Variants in G3BP2 observed in about 807,000 individuals in gnomAD.
The protein encoded by G3BP2 is G3BP stress granule assembly factor 2.
A neutral mutation model predicts 56.7 loss-of-function variants in G3BP2; 11 were observed. The ratio of observed to expected loss-of-function variants is 0.19; its 90% CI spans 0.12 to 0.32. G3BP2 has a LOEUF of 0.32. Among genes scored for constraint, G3BP2 ranks in the 10% least tolerant of loss-of-function variants. The pLI is 1.00. For synonymous variants in G3BP2, 165 were observed against 191.6 expected (o/e 0.86, Z 1.15); for missense variants, 340 against 610.9 (o/e 0.56, Z 4.67).
chr4:75,721,101 G>T (rs770658158), intron 2 of G3BP2, among the ~76,000 whole-genome samples: 2 of 151,910 alleles, frequency 1.3e-5, no homozygotes, highest in African/African-American at 4.8e-5. Context: ...CCACCACGCC[G>T]AGCTAATTTT....
chr4:75,648,967 C>A (rs1051302066), intron 8 of G3BP2: 14 of 332,320 alleles, frequency 4.2e-5, no homozygotes, highest in African/African-American at 2.7e-4. Flanking sequence ...GTGTAACTCA[C>A]AATAAGTTGC....
At chr4:75,716,137 G>A (rs768762612) in intron 3 of G3BP2, among the ~76,000 whole-genome samples, 8 of 152,002 alleles carry the variant, frequency 5.3e-5, no homozygotes, top group Non-Finnish European at 1.2e-4. Flanking sequence ...GGTGGGGAGA[G>A]GGCAGTGGGA....
chr4:75,661,424 T>A (rs1732545727), intron 2 of G3BP2: 1 of 151,426 alleles, frequency 6.6e-6, no homozygotes, highest in African/African-American at 2.4e-5. Context: ...AGAGCCACTG[T>A]GTCCAGCCTC....
At chr4:75,681,248 C>T (rs62318481) in intron 3 of G3BP2, among the ~76,000 whole-genome samples, 34,910 of 151,638 alleles carry the variant, frequency 0.23, 4,216 homozygotes, top group Middle Eastern at 0.36. Flanking sequence ...CGCTTGAACC[C>T]GGGAGGCAGA....
intron 3 of G3BP2, among the ~76,000 whole-genome samples, chr4:75,718,098 T>C (rs1719997925): frequency 6.6e-6 from 1 of 151,346 alleles, no homozygotes; most frequent in Non-Finnish European, 1.5e-5. Context: ...GTAGCATCAC[T>C]GCACTCCAGC....
intron 1 of G3BP2, among the ~76,000 whole-genome samples, chr4:75,663,752 C>T (rs984176109): frequency 1.3e-5 from 2 of 150,396 alleles, no homozygotes; most frequent in African/African-American, 4.9e-5. Flanking sequence ...CCCAGCCACT[C>T]CGGAGGCTGA....
At chr4:75,678,625 G>A (rs1733965628) in intron 3 of G3BP2, among the ~76,000 whole-genome samples, 1 of 152,000 alleles carries the variant, frequency 6.6e-6, no homozygotes, top group South Asian at 2.1e-4. Context: ...GTTCAGCCTG[G>A]GCAATATAGC....
chr4:75,653,529 C>T (rs981977072), intron 8 of G3BP2, among the ~76,000 whole-genome samples: 1 of 143,040 alleles, frequency 7.0e-6, no homozygotes, highest in Non-Finnish European at 1.5e-5. Flanking sequence ...GAACCACTTA[C>T]ACACTGAGAG....
At chr4:75,646,928 G>A in intron 10 of G3BP2, 101 bp downstream of exon 10, 1 of 701,644 alleles carries the variant, frequency 1.4e-6, no homozygotes, top group Non-Finnish European at 2.3e-6. Context: ...ACAGTATAAA[G>A]AGAGAAACAT....
At chr4:75,670,509 G>A (rs1733402485) in intron 1 of G3BP2, 1 of 152,132 alleles carries the variant, frequency 6.6e-6, no homozygotes, top group African/African-American at 2.4e-5. Context: ...AGGTGTTTTT[G>A]TTTTCTGTCC....
intron 3 of G3BP2, among the ~76,000 whole-genome samples, chr4:75,684,132 G>A (rs186222640): frequency 9.8e-4 from 149 of 152,304 alleles, no homozygotes; most frequent in African/African-American, 3.6e-3. Flanking sequence ...TAGGCCGGGT[G>A]CGGTGGCTCA....
At chr4:75,694,662 C>T in intron 3 of G3BP2, 7 of 484,486 alleles carry the variant, frequency 1.4e-5, no homozygotes, top group Non-Finnish European at 1.9e-5. Flanking sequence ...CGCTTGAATC[C>T]GCGAGGCGGC....
chr4:75,682,082 A>G (rs2149068161), intron 3 of G3BP2, among the ~76,000 whole-genome samples: 1 of 152,218 alleles, frequency 6.6e-6, no homozygotes, highest in East Asian at 1.9e-4. Context: ...GGAAGGTGCA[A>G]TATTTCATCA....
upstream of G3BP2, among the ~76,000 whole-genome samples, chr4:75,677,205 CAACTT>C (rs1300103127): frequency 6.6e-6 from 1 of 152,158 alleles, no homozygotes; most frequent in Non-Finnish European, 1.5e-5. Context: ...TGACCATTCT[CAACTT>C]TACTGAATAC....
chr4:75,644,070 GA>G lies in G3BP2; in HGVS notation c.*1359del, dbSNP rs1731051400. 2 of 152,550 alleles carry G rather than the reference GA, an allele frequency of 1.3e-5. No individual in the cohort carries two copies. Among genetic ancestry groups the G allele is most frequent in the East Asian group, 1.9e-4 (1 of 5,166 alleles). The allele number at this position is 152,550 out of a possible 1,614,324, so 9.4% of individuals were successfully genotyped here. On this transcript the variant is annotated 3_prime_UTR_variant, in exon 12 of 12. Coordinates refer to ENST00000359707, the MANE Select transcript of G3BP2 (RefSeq NM_203505.3). ...ATGACAGTTCCCTGCCCCCCAAATA[GA>G]AAATGCAAACACTTAAAGAGCTGCT...
At chr4:75,680,537 G>A (rs1026547138) in intron 3 of G3BP2, among the ~76,000 whole-genome samples, 15 of 152,094 alleles carry the variant, frequency 9.9e-5, no homozygotes, top group South Asian at 2.1e-4. Context: ...TTATAAAACC[G>A]AGGCAAACCT....
At chr4:75,703,075 T>C (rs1241720383) in intron 3 of G3BP2, among the ~76,000 whole-genome samples, 3 of 152,198 alleles carry the variant, frequency 2.0e-5, no homozygotes, top group African/African-American at 7.2e-5. Context: ...AGGCACTCAG[T>C]AAATGCTTAC....
At chr4:75,647,182 CTAAAGTT>C in intron 9 of G3BP2, 25 bp from the exon 10 acceptor site, 1 of 1,486,400 alleles carries the variant, frequency 6.7e-7, no homozygotes, top group East Asian at 2.3e-5. Context: ...AGAGCAGATA[CTAAAGTT>C]TACAATATCA....
At chr4:75,673,715 C>G (rs1278779685), upstream of G3BP2, 2 of 918,754 alleles carry the variant, frequency 2.2e-6, no homozygotes, top group South Asian at 1.2e-4. Flanking sequence ...ATCGCGCAAG[C>G]GAGAGCTGGT....
Sources: allele counts gnomAD v4.1 joint callset (sites outside exome capture counted in the v4.1 genomes callset), GRCh38; gene constraint gnomAD v4.1.1; transcripts MANE v1.5; gene names NCBI Gene and HGNC (gene_info 2026-07-23, HGNC 2026-07-21).